The following DDX5 variants were observed in gnomAD, a reference collection of about 807,000 sequenced individuals.
The protein encoded by DDX5 is probable ATP-dependent RNA helicase DDX5.
DDX5 carries 6 observed loss-of-function variants against 68.6 expected under a neutral mutation model. That is an observed-to-expected ratio of 0.09 (90% CI 0.05 to 0.17). The LOEUF is 0.17. Ranked by LOEUF, DDX5 falls within the 10% of genes least tolerant of loss-of-function variation. The pLI is 1.00. For missense variants in DDX5, 499 were observed against 756.1 expected (o/e 0.66, Z 3.99); for synonymous variants, 350 against 247.0 (o/e 1.42, Z -3.91).
At chr17:64,504,488 A>G (rs1365265455) in intron 2 of DDX5, 170 bp from the exon 3 acceptor site, 2 of 918,842 alleles carry the variant, frequency 2.2e-6, no homozygotes, top group Non-Finnish European at 3.2e-6. Context: ...TTATTGTTAT[A>G]CTCAACCTAA....
chr17:64,504,932 C>T lies in DDX5; in HGVS notation c.45-90G>A, dbSNP rs2038394830. On this transcript the variant is annotated intron_variant, in intron 1 of 12. Transcript: ENST00000225792. ...GTCATCCATTGGCACAAGCTAAAAACCACTGAAAACAGACTTCGAGAGGTA... is the reference window on the plus strand; with the variant it reads ...GTCATCCATTGGCACAAGCTAAAAATCACTGAAAACAGACTTCGAGAGGTA... 6 of 1,296,820 alleles carry T rather than the reference C, an allele frequency of 4.6e-6. No individual in the cohort carries two copies. In the East Asian group the frequency reaches 1.5e-4, roughly 31 times the overall value. The allele number at this position is 1,296,820 out of a possible 1,614,324, so 80.3% of individuals were successfully genotyped here.
At chr17:64,505,786 T>C (rs2038474312) in intron 1 of DDX5, 9 of 1,536,040 alleles carry the variant, frequency 5.9e-6, no homozygotes, top group Non-Finnish European at 7.8e-6. Context: ...CGTCCCGCTT[T>C]CATCCGCACA....
rs2038212864 is a variant in DDX5 at position 64,498,591 on chromosome 17, G to A, written c.*1332C>T. Among the ~76,000 whole-genome samples the A allele has an allele frequency of 6.6e-6, 1 of 152,050 alleles. No homozygotes were observed. ...CCTAGAAATATCACTCCCTATCCCA[G>A]CCCTAGCAAATTCTAACTTTACATT... On this transcript the variant is annotated 3_prime_UTR_variant, in exon 13 of 13. Transcript: ENST00000225792.
At position 64,503,052 on chromosome 17, in the gene DDX5, A is replaced by C; in HGVS notation, c.857T>G (p.Val286Gly). 1 of 1,614,134 alleles carries C rather than the reference A, an allele frequency of 6.2e-7. No homozygotes were observed. Among genetic ancestry groups the C allele is most frequent in the Non-Finnish European group, 8.5e-7 (1 of 1,180,012 alleles). Residue 286 changes from valine to glycine, a missense_variant, in exon 8 of 13, where the codon GTA becomes GGA. Around this residue, in one of 5 missense-constraint regions of DDX5, gnomAD observed 141 missense variants for 279.8 expected, o/e 0.50. Transcript: ENST00000225792. ...LMWSATWPKE[V>G]RQLAEDFLKD... ...CAGGAAATCTTCAGCAAGCTGTCTTACTTCTTTTGGCCAAGTCGCACTCCA... is the reference window on the plus strand; with the variant it reads ...CAGGAAATCTTCAGCAAGCTGTCTTCCTTCTTTTGGCCAAGTCGCACTCCA...
At position 64,504,614 on chromosome 17, in the gene DDX5, A is replaced by G. The variant is rs879997783; in HGVS notation, c.210+63T>C. 1.8e-4 allele frequency: 280 copies of G among 1,521,760 alleles called. 1 individual carries two copies. The highest frequency in any genetic ancestry group is 2.3e-4 in the Non-Finnish European group (255 of 1,132,676). The allele number at this position is 1,521,760 out of a possible 1,614,324, so 94.3% of individuals were successfully genotyped here. A position where few individuals can be genotyped will look rare whatever the true frequency, so the allele number is the denominator to read the frequency against. On this transcript the variant is annotated intron_variant, in intron 2 of 12. Coordinates refer to ENST00000225792, the MANE Select transcript of DDX5 (RefSeq NM_004396.5). ...GAGTTATTTGCAAAACACCTGTCAG[A>G]ATTTCATTTACTAGAATCCACGATC...
rs2038447427 is a variant in DDX5 at position 64,505,493 on chromosome 17, C to A, written c.44+583G>T. On this transcript the variant is annotated intron_variant, in intron 1 of 12. Transcript: ENST00000225792. ...CGGCCGGGCGGCGTTCCCGCTGGGG[C>A]GGCGCTTCCCCCTTTGTCTCGCATT... 1.0e-5 allele frequency: 6 copies of A among 580,630 alleles called. No individual in the cohort carries two copies. The South Asian group carries it at 1.3e-4, about 12-fold the overall frequency. The allele number at this position is 580,630 out of a possible 1,614,324, so 36.0% of individuals were successfully genotyped here.
In DDX5 at chr17:64,503,091, C is replaced by T; in HGVS notation, c.818G>A (p.Arg273Lys). 6.2e-7 allele frequency: 1 copy of T among 1,613,150 alleles called. No homozygotes were observed. Among genetic ancestry groups the T allele is most frequent in the Non-Finnish European group, 8.5e-7 (1 of 1,179,480 alleles). The change falls in exon 8 of 13, where the codon AGG (arginine) becomes AAG (lysine). Residue 273 changes from arginine to lysine, a missense_variant. Arg to Lys is a conservative substitution (Grantham distance 26). Coordinates refer to ENST00000225792, the MANE Select transcript of DDX5 (RefSeq NM_004396.5). ...RKIVDQIRPD[R>K]QTLMWSATWP... ...AGTCGCACTCCACATTAGAGTTTGC[C>T]TATCAGGCTAATGGATTTTGGGGGG...
intron 4 of DDX5, 36 bp from the exon 5 acceptor site, chr17:64,503,904 C>G: frequency 1.2e-6 from 2 of 1,613,578 alleles, no homozygotes; most frequent in Non-Finnish European, 1.7e-6. Context: ...ACAGAAATCA[C>G]ATTAAAATAC....
chr17:64,504,140 G>C lies in DDX5; in HGVS notation c.308-24C>G, dbSNP rs549743096. 8.1e-6 allele frequency: 13 copies of C among 1,613,550 alleles called. No homozygotes were observed. In the South Asian group the frequency reaches 1.4e-4, roughly 18 times the overall value. On this transcript the variant is annotated intron_variant, in intron 3 of 12. Coordinates refer to ENST00000225792, the MANE Select transcript of DDX5 (RefSeq NM_004396.5). ...TGCTATAATTAGTAACAGATATTTA[G>C]TAAAAATTAGTGATGCCAAGAAAAA...
chr17:64,504,579 T>C (rs1555671759), intron 2 of DDX5, 98 bp downstream of exon 2: 12 of 1,389,548 alleles, frequency 8.6e-6, no homozygotes, highest in South Asian at 7.1e-5. Context: ...CATGTAACTC[T>C]ACCAAAATTG....
intron 5 of DDX5, 98 bp downstream of exon 5, chr17:64,503,705 C>A: frequency 1.3e-6 from 2 of 1,527,640 alleles, no homozygotes; most frequent in South Asian, 1.2e-5. Flanking sequence ...GGTGAGCTAA[C>A]CTCTATATAA....
Position 64,499,897 on chromosome 17 carries a change from A to G in DDX5, c.*26T>C, listed in dbSNP as rs782547840. On this transcript the variant is annotated 3_prime_UTR_variant, in exon 13 of 13. Transcript: ENST00000225792. Reference sequence around the variant, plus strand: ...AATATAAAGAGCAATTATGAAAAACAGACATTTACATATACTTCTAAAGTC... The same window carrying G: ...AATATAAAGAGCAATTATGAAAAACGGACATTTACATATACTTCTAAAGTC... 5.9e-6 allele frequency: 9 copies of G among 1,525,994 alleles called. No individual in the cohort carries two copies. The South Asian group carries it at 1.2e-4, about 20-fold the overall frequency. The allele number at this position is 1,525,994 out of a possible 1,614,324, so 94.5% of individuals were successfully genotyped here.
intron 1 of DDX5, chr17:64,505,633 C>T: frequency 8.7e-7 from 1 of 1,152,566 alleles, no homozygotes; most frequent in Non-Finnish European, 1.3e-6. Flanking sequence ...GACTCAGCCA[C>T]ATGGCTGATG....
chr17:64,502,234 A>C lies in DDX5; in HGVS notation c.1095-11T>G, dbSNP rs782617455. 6 of 1,613,772 alleles carry C rather than the reference A, an allele frequency of 3.7e-6. No individual in the cohort carries two copies. The highest frequency in any genetic ancestry group is 4.2e-6 in the Non-Finnish European group (5 of 1,179,926). On this transcript the variant is annotated splice_polypyrimidine_tract_variant and intron_variant, in intron 9 of 12. Coordinates refer to ENST00000225792, the MANE Select transcript of DDX5 (RefSeq NM_004396.5). Reference sequence around the variant, plus strand: ...CCCATGGCAGGCCACCTAAGTTAAAAGACAAGTTGTGTTATTAAACTCACA... The same window carrying C: ...CCCATGGCAGGCCACCTAAGTTAAACGACAAGTTGTGTTATTAAACTCACA...
rs1465047288 is a variant in DDX5 at position 64,500,305 on chromosome 17, C to T, written c.1463G>A (p.Gly488Asp). 3.1e-6 allele frequency: 5 copies of T among 1,609,460 alleles called. No individual in the cohort carries two copies. Among genetic ancestry groups the T allele is most frequent in the Non-Finnish European group, 4.2e-6 (5 of 1,177,248 alleles). The change falls in exon 13 of 13, where the codon GGC (glycine) becomes GAC (aspartate). Residue 488 changes from glycine (G) to aspartate (D), a missense_variant. By Grantham distance (94) the Gly-to-Asp change is moderately conservative. This residue lies in a region of DDX5 where 171 missense variants were observed against 174.8 expected (regional missense o/e 0.98). Coordinates refer to ENST00000225792, the MANE Select transcript of DDX5 (RefSeq NM_004396.5). ...TCTGTCCCGACGGTCATCCTTCATGCCTCCTCTACCCCTGGAACGACCTGT... is the reference window on the plus strand; with the variant it reads ...TCTGTCCCGACGGTCATCCTTCATGTCTCCTCTACCCCTGGAACGACCTGT... ...RGSGRSRGRG[G>D]MKDDRRDRYS...
rs2038218983 is a variant in DDX5 at position 64,498,750 on chromosome 17, C to T, written c.*1173G>A. Among the ~76,000 whole-genome samples the T allele has an allele frequency of 6.6e-6, 1 of 152,162 alleles. No homozygotes were observed. The highest frequency in any genetic ancestry group is 6.5e-5 in the Admixed American group (1 of 15,278). The stretch of plus-strand genomic sequence containing the variant: ...GGAAAACATTCAGACCCACTTCTAG[C>T]TATTACTGAAATAAATGATTAGAAA... On this transcript the variant is annotated 3_prime_UTR_variant, in exon 13 of 13. Transcript: ENST00000225792.
chr17:64,504,701 G>A lies in DDX5; in HGVS notation c.186C>T (p.His62=), dbSNP rs2038382374. The A allele has an allele frequency of 6.2e-7, 1 of 1,613,558 alleles. No homozygotes were observed. Among genetic ancestry groups the A allele is most frequent in the African/African-American group, 1.3e-5 (1 of 74,956 alleles). The change falls in exon 2 of 13, where the codon CAC becomes CAT. Residue 62 remains histidine, a synonymous_variant. Transcript: ENST00000225792. ...CTGCTGTGCGCCTAGCCAAATCAGGGTGCTCTTGATAAAAATTCTTCTCAA... is the reference window on the plus strand; with the variant it reads ...CTGCTGTGCGCCTAGCCAAATCAGGATGCTCTTGATAAAAATTCTTCTCAA... ...PKFEKNFYQE[H]PDLARRTAQE... is the part of the protein sequence containing the mutation.
At chr17:64,502,575 A>T in intron 8 of DDX5, 26 bp from the exon 9 acceptor site, 3 of 1,541,594 alleles carry the variant, frequency 1.9e-6, no homozygotes, top group Non-Finnish European at 2.7e-6. Flanking sequence ...AGAAAGGAAA[A>T]ATCCTGAGTT....
At position 64,499,259 on chromosome 17, in the gene DDX5, C is replaced by T. The variant is rs529246102; in HGVS notation, c.*664G>A. On this transcript the variant is annotated 3_prime_UTR_variant, in exon 13 of 13. Transcript: ENST00000225792. ...TTATAAACTTTGAAAAAGTCACCCACGTTCTCACACTATATAGATGACTTT... is the reference window on the plus strand; with the variant it reads ...TTATAAACTTTGAAAAAGTCACCCATGTTCTCACACTATATAGATGACTTT... 2.0e-5 allele frequency among the ~76,000 whole-genome samples: 3 copies of T among 152,264 alleles called. No individual in the cohort carries two copies. Among genetic ancestry groups the T allele is most frequent in the African/African-American group, 7.2e-5 (3 of 41,562 alleles).
Sources: gnomAD v4.1 joint callset for allele counts (sites outside exome capture counted in the v4.1 genomes callset) on GRCh38, gnomAD v4.1.1 for gene constraint, gnomAD v4.1.1 regional missense constraint, MANE v1.5 for transcripts, NCBI Gene and HGNC (gene_info 2026-07-23, HGNC 2026-07-21) for gene names.